The following ABTB3 variants were observed in gnomAD, a reference collection of about 807,000 sequenced individuals.
The protein encoded by ABTB3 is ankyrin repeat and BTB domain containing 3.
chr12:107,376,967 T>C, the ABTB3 span, among the ~76,000 whole-genome samples: 3 of 152,104 alleles, frequency 2.0e-5, no homozygotes, highest in South Asian at 2.1e-4. Context: ...TTTTTCTGCT[T>C]TTCAATGAAG....
the ABTB3 span, among the ~76,000 whole-genome samples, chr12:107,446,429 G>A: frequency 6.6e-5 from 10 of 152,140 alleles, no homozygotes; most frequent in African/African-American, 2.4e-4. Flanking sequence ...GGGGGACCAG[G>A]CACATTTTTG....
At chr12:107,548,709 A>G in the ABTB3 span, among the ~76,000 whole-genome samples, 12 of 152,352 alleles carry the variant, frequency 7.9e-5, no homozygotes, top group East Asian at 1.9e-3. Context: ...TTATTTTCCA[A>G]ATAGTAATGA....
the ABTB3 span, among the ~76,000 whole-genome samples, chr12:107,423,449 T>C: frequency 0.028 from 4,275 of 152,190 alleles, 151 homozygotes; most frequent in African/African-American, 0.088. Context: ...TGAAGAGCAC[T>C]GAGAGAGCGG....
the ABTB3 span, among the ~76,000 whole-genome samples, chr12:107,612,038 T>C: frequency 6.6e-6 from 1 of 152,256 alleles, no homozygotes. Flanking sequence ...ATATCTTTTA[T>C]GGTTTTAATT....
chr12:107,398,216 C>T, the ABTB3 span, among the ~76,000 whole-genome samples: 1 of 152,038 alleles, frequency 6.6e-6, no homozygotes, highest in African/African-American at 2.4e-5. Flanking sequence ...TCGAGCAGGG[C>T]CAGACGCCAC....
At chr12:107,618,202 G>A in the ABTB3 span, 1 of 1,614,152 alleles carries the variant, frequency 6.2e-7, no homozygotes, top group South Asian at 1.1e-5. Flanking sequence ...AAGGAGAAGA[G>A]TGATATCCTG....
chr12:107,319,436 A>C, the ABTB3 span: 68 of 1,607,212 alleles, frequency 4.2e-5, no homozygotes, highest in African/African-American at 6.5e-4. Context: ...CCAGAGCGCC[A>C]TGGAGATCGT....
chr12:107,473,012 G>C, the ABTB3 span, among the ~76,000 whole-genome samples: 1 of 152,122 alleles, frequency 6.6e-6, no homozygotes, highest in Non-Finnish European at 1.5e-5. Context: ...CAACATGAAG[G>C]CCCCAGGTGG....
At chr12:107,349,701 G>T in the ABTB3 span, among the ~76,000 whole-genome samples, 1 of 152,310 alleles carries the variant, frequency 6.6e-6, no homozygotes, top group South Asian at 2.1e-4. Context: ...TCAGATAAAT[G>T]AGGAATTTTA....
At chr12:107,451,769 CT>C in the ABTB3 span, among the ~76,000 whole-genome samples, 1 of 152,114 alleles carries the variant, frequency 6.6e-6, no homozygotes, top group Non-Finnish European at 1.5e-5. Flanking sequence ...TGCTTCTCCC[CT>C]TTCTGTTTAA....
chr12:107,411,286 G>A, the ABTB3 span, among the ~76,000 whole-genome samples: 279 of 152,294 alleles, frequency 1.8e-3, no homozygotes, highest in African/African-American at 4.4e-3. Flanking sequence ...GCAACAGAGC[G>A]AGACTCCGTC....
At chr12:107,367,161 A>G in the ABTB3 span, among the ~76,000 whole-genome samples, 1 of 152,170 alleles carries the variant, frequency 6.6e-6, no homozygotes, top group Admixed American at 6.5e-5. Context: ...CCCGGATCAC[A>G]GTGAGGTGGA....
chr12:107,409,320 G>A, the ABTB3 span, among the ~76,000 whole-genome samples: 5 of 152,192 alleles, frequency 3.3e-5, no homozygotes, highest in Admixed American at 6.5e-5. Flanking sequence ...AAATAGGAAC[G>A]CTTTTACACT....
chr12:107,515,584 T>C, the ABTB3 span, among the ~76,000 whole-genome samples: 1 of 152,198 alleles, frequency 6.6e-6, no homozygotes, highest in Non-Finnish European at 1.5e-5. Flanking sequence ...CAAGATTCAT[T>C]GCCGTGGCAA....
chr12:107,579,528 T>A, the ABTB3 span, among the ~76,000 whole-genome samples: 1 of 152,192 alleles, frequency 6.6e-6, no homozygotes, highest in African/African-American at 2.4e-5. Flanking sequence ...CATGAATCAA[T>A]GTAAATGGCT....
chr12:107,380,399 C>T, the ABTB3 span, among the ~76,000 whole-genome samples: 3 of 152,148 alleles, frequency 2.0e-5, no homozygotes, highest in Admixed American at 6.5e-5. Flanking sequence ...ATGAAAGCCC[C>T]GCCCACACCA....
At chr12:107,358,332 C>T in the ABTB3 span, among the ~76,000 whole-genome samples, 1 of 152,130 alleles carries the variant, frequency 6.6e-6, no homozygotes, top group Admixed American at 6.5e-5. Context: ...GGAATTAGCT[C>T]CACAGATACC....
chr12:107,375,560 G>T, the ABTB3 span, among the ~76,000 whole-genome samples: 1 of 152,192 alleles, frequency 6.6e-6, no homozygotes, highest in Non-Finnish European at 1.5e-5. Context: ...CAGGGGAGAA[G>T]ACCGGGGGCC....
chr12:107,547,835 A>G, the ABTB3 span, among the ~76,000 whole-genome samples: 4 of 152,248 alleles, frequency 2.6e-5, no homozygotes, highest in African/African-American at 7.2e-5. Context: ...GCAATGAATT[A>G]GACATTGTAG....
Sources: allele counts gnomAD v4.1 joint callset (sites outside exome capture counted in the v4.1 genomes callset), GRCh38; gene constraint gnomAD v4.1.1; transcripts MANE v1.5; gene names NCBI Gene and HGNC (gene_info 2026-07-23, HGNC 2026-07-21).